Variants in PHC3 observed in about 807,000 individuals in gnomAD.
PHC3 encodes the protein polyhomeotic homolog 3, also known as polyhomeotic-like protein 3.
A neutral mutation model predicts 107.4 loss-of-function variants in PHC3; 13 were observed. The observed-to-expected ratio is 0.12, with a 90% CI of 0.08 to 0.19. The LOEUF is 0.19. Ranked by LOEUF, PHC3 falls within the 10% of genes least tolerant of loss-of-function variation. The pLI is 1.00. For synonymous variants in PHC3, 456 were observed against 427.4 expected, an observed-to-expected ratio of 1.07 and a Z score of -0.83; for missense variants, 992 against 1,210.9, an observed-to-expected ratio of 0.82 and a Z score of 2.68.
At chr3:170,139,299 T>A (rs1723653314) in intron 6 of PHC3, among the ~76,000 whole-genome samples, 1 of 152,238 alleles carries the variant, frequency 6.6e-6, no homozygotes, top group Admixed American at 6.5e-5. Context: ...GTTCTCTTCA[T>A]CGTGTTCTTA....
At chr3:170,134,495 A>G (rs898945711) in intron 7 of PHC3, among the ~76,000 whole-genome samples, 1 of 152,076 alleles carries the variant, frequency 6.6e-6, no homozygotes, top group Admixed American at 6.6e-5. Flanking sequence ...CAGCTTGAAT[A>G]TATTTATTAA....
intron 2 of PHC3, among the ~76,000 whole-genome samples, 157 bp from the exon 3 acceptor site, chr3:170,172,869 A>G (rs1230663447): frequency 6.6e-6 from 1 of 152,154 alleles, no homozygotes; most frequent in Admixed American, 6.5e-5. Flanking sequence ...GTTACATATC[A>G]CTAGAAATCA....
chr3:170,140,016 T>C lies in PHC3; in HGVS notation c.673-3351A>G, dbSNP rs576204464. Among the ~76,000 whole-genome samples the C allele has an allele frequency of 2.6e-5, 4 of 152,120 alleles. No homozygotes were observed. In the South Asian group the frequency reaches 8.3e-4, roughly 32 times the overall value. ...CACATCTCACACTGTTATAGAGGGCTTCCCTGCCAAAATACTCTCACATCA... is the reference window on the plus strand; with the variant it reads ...CACATCTCACACTGTTATAGAGGGCCTCCCTGCCAAAATACTCTCACATCA... On this transcript the variant is annotated intron_variant, in intron 6 of 14. Transcript: ENST00000495893.
At chr3:170,106,756 G>A (rs959257756) in intron 12 of PHC3, 76 bp downstream of exon 12, 2 of 791,306 alleles carry the variant, frequency 2.5e-6, no homozygotes, top group African/African-American at 1.8e-5. Context: ...TCCTTGGTAA[G>A]CTATTCAAGG....
chr3:170,111,989 A>C (rs1326188390), intron 11 of PHC3, among the ~76,000 whole-genome samples: 1 of 152,222 alleles, frequency 6.6e-6, no homozygotes, highest in Non-Finnish European at 1.5e-5. Flanking sequence ...CAGGGCCTTG[A>C]CTATTCTAAA....
intron 9 of PHC3, among the ~76,000 whole-genome samples, chr3:170,121,314 AAAAG>A (rs1478000193): frequency 6.6e-6 from 1 of 152,122 alleles, no homozygotes; most frequent in Admixed American, 6.6e-5. Context: ...TCTCTTAAAA[AAAAG>A]AAAGAAAACA....
intron 9 of PHC3, 21 bp from the exon 10 acceptor site, chr3:170,117,497 T>C (rs757079384): frequency 5.7e-6 from 9 of 1,580,560 alleles, no homozygotes; most frequent in South Asian, 4.7e-5. Context: ...AACCAAAAAG[T>C]CATTTAAAAA....
chr3:170,171,265 C>G lies in PHC3; in HGVS notation c.414+108G>C, dbSNP rs554494945. 44 of 748,186 alleles carry G rather than the reference C, an allele frequency of 5.9e-5. No individual in the cohort carries two copies. In the South Asian group the frequency reaches 6.1e-4, roughly 10 times the overall value. 46.3% of individuals were successfully genotyped at this position (748,186 alleles called of 1,614,324 possible). A position where few individuals can be genotyped will look rare whatever the true frequency, so the allele number is the denominator to read the frequency against. On this transcript the variant is annotated intron_variant, in intron 4 of 14. Coordinates refer to ENST00000495893, the MANE Select transcript of PHC3 (RefSeq NM_024947.4). ...ATTTCTGGGCAATTGTTACTTTAAA[C>G]AGCATGCAACAAATTATAATAACAG...
At position 170,097,486 on chromosome 3, in the gene PHC3, A is replaced by T; in HGVS notation, c.2834-102T>A. 8.9e-7 allele frequency: 1 copy of T among 1,120,994 alleles called. No homozygotes were observed. The highest frequency in any genetic ancestry group is 2.4e-5 in the South Asian group (1 of 41,272). 69.4% of individuals were successfully genotyped at this position (1,120,994 alleles called of 1,614,324 possible). A position where few individuals can be genotyped will look rare whatever the true frequency, so the allele number is the denominator to read the frequency against. ...GCTCTCACTGGGTCTGAGAATCTGAAATACAGGCTGAGAAACAAATGAAAT... is the reference window on the plus strand; with the variant it reads ...GCTCTCACTGGGTCTGAGAATCTGATATACAGGCTGAGAAACAAATGAAAT... On this transcript the variant is annotated intron_variant, in intron 14 of 14. Coordinates refer to ENST00000495893, the MANE Select transcript of PHC3 (RefSeq NM_024947.4). This position sits in a 1 kb window ranked among gnomAD's most constrained non-coding sequence, Gnocchi z 4.1.
At chr3:170,174,560 C>T (rs548480839) in intron 2 of PHC3, among the ~76,000 whole-genome samples, 6 of 152,310 alleles carry the variant, frequency 3.9e-5, no homozygotes, top group Admixed American at 3.3e-4. Flanking sequence ...GAACCCTAAT[C>T]GCAGCATCAA....
chr3:170,110,822 C>G (rs1717497758), intron 11 of PHC3, among the ~76,000 whole-genome samples: 1 of 152,140 alleles, frequency 6.6e-6, no homozygotes, highest in East Asian at 1.9e-4. Flanking sequence ...AAGCAGATTT[C>G]CATGTTCTTC....
chr3:170,139,373 T>G (rs1434493482), intron 6 of PHC3, among the ~76,000 whole-genome samples: 1 of 152,156 alleles, frequency 6.6e-6, no homozygotes. Context: ...AGAGGCACAT[T>G]AAAATCTTCC....
intron 6 of PHC3, among the ~76,000 whole-genome samples, chr3:170,139,780 T>C (rs2108528099): frequency 6.6e-6 from 1 of 152,302 alleles, no homozygotes; most frequent in South Asian, 2.1e-4. Flanking sequence ...ATTACAAAGT[T>C]AATTTAGCTG....
chr3:170,137,023 G>A (rs1267404279), intron 6 of PHC3, among the ~76,000 whole-genome samples: 6 of 152,118 alleles, frequency 3.9e-5, no homozygotes, highest in African/African-American at 1.2e-4. Context: ...CAGACAGTGT[G>A]TGTATTATAT....
intron 8 of PHC3, among the ~76,000 whole-genome samples, chr3:170,124,056 G>A (rs1720876174): frequency 6.6e-6 from 1 of 151,920 alleles, no homozygotes; most frequent in South Asian, 2.1e-4. Flanking sequence ...CACCAGGTTG[G>A]CCATGATGGT....
Position 170,088,910 on chromosome 3 carries a change from A to C in PHC3, c.*8320T>G, listed in dbSNP as rs1470452539. 1 of 152,334 alleles carries C rather than the reference A, an allele frequency of 6.6e-6. No individual in the cohort carries two copies. Among genetic ancestry groups the C allele is most frequent in the Non-Finnish European group, 1.5e-5 (1 of 68,102 alleles). The allele number at this position is 152,334 out of a possible 1,614,324, so 9.4% of individuals were successfully genotyped here. A position where few individuals can be genotyped will look rare whatever the true frequency, so the allele number is the denominator to read the frequency against. Reference sequence around the variant, plus strand: ...GCTAGGCGCAGTGGCTCATGCCTATAATCCCGGCACTTTGGGAGGCTGAGG... The same window carrying C: ...GCTAGGCGCAGTGGCTCATGCCTATCATCCCGGCACTTTGGGAGGCTGAGG... On this transcript the variant is annotated 3_prime_UTR_variant, in exon 15 of 15. Transcript: ENST00000495893.
At chr3:170,099,356 T>C (rs952310147) in intron 14 of PHC3, among the ~76,000 whole-genome samples, 4 of 152,126 alleles carry the variant, frequency 2.6e-5, no homozygotes, top group Admixed American at 1.3e-4. Context: ...AAAAAAAGTA[T>C]AGTTACATCA....
chr3:170,179,993 T>C (rs1731117975), intron 1 of PHC3, among the ~76,000 whole-genome samples: 1 of 152,192 alleles, frequency 6.6e-6, no homozygotes, highest in Non-Finnish European at 1.5e-5. Flanking sequence ...GAACACTTTC[T>C]ATTCCATGAA....
At chr3:170,180,380 GC>G (rs1731192197) in intron 1 of PHC3, among the ~76,000 whole-genome samples, 1 of 152,070 alleles carries the variant, frequency 6.6e-6, no homozygotes, top group South Asian at 2.1e-4. Context: ...GCCCAAGAGG[GC>G]CAGGCTGCAG....
Sources: gnomAD v4.1 joint callset for allele counts (sites outside exome capture counted in the v4.1 genomes callset) on GRCh38, gnomAD v4.1.1 for gene constraint, Gnocchi (gnomAD v3.1) non-coding constraint, MANE v1.5 for transcripts, NCBI Gene and HGNC (gene_info 2026-07-23, HGNC 2026-07-21) for gene names.